UACA: variants seen among roughly 807,000 people sequenced by gnomAD.
The protein encoded by UACA is uveal autoantigen with coiled-coil domains and ankyrin repeats.
In UACA, 112 loss-of-function variants were observed where a neutral mutation model predicts 160.5. The ratio of observed to expected loss-of-function variants is 0.70; its 90% CI spans 0.60 to 0.82. The LOEUF is 0.82. Among genes scored for constraint, UACA ranks in the 40% least tolerant of loss-of-function variants. UACA has a pLI of 0.00. For missense variants in UACA, 1,574 were observed against 1,614.6 expected (o/e 0.97, Z 0.43); for synonymous variants, 557 against 568.4 (o/e 0.98, Z 0.29).
chr15:70,695,074 C>G lies in UACA; in HGVS notation c.244G>C (p.Glu82Gln). The change falls in exon 3 of 19, where the codon GAG becomes CAG. Residue 82 changes from glutamate to glutamine, a missense_variant. Coordinates refer to ENST00000322954, the MANE Select transcript of UACA (RefSeq NM_018003.4). ...TGTATAAGGATGGCATTCAAACACT[C>G]AAGATTCCCCTTTGAGGTCACAACA... is the stretch of plus-strand genomic sequence containing the variant. ...FHVVTSKGNL[E>Q]CLNAILIHGV... The G allele has an allele frequency of 1.2e-6, 2 of 1,608,850 alleles. No homozygotes were observed. Among genetic ancestry groups the G allele is most frequent in the Non-Finnish European group, 1.7e-6 (2 of 1,177,348 alleles).
chr15:70,728,583 A>C (rs951767767), intron 1 of UACA, among the ~76,000 whole-genome samples: 1 of 151,736 alleles, frequency 6.6e-6, no homozygotes, highest in Non-Finnish European at 1.5e-5. Context: ...AAGAAAAAAA[A>C]AAAACATAGA....
In UACA at chr15:70,739,742, A is replaced by G. The variant is rs1420398661; in HGVS notation, c.78+23588T>C. Among the ~76,000 whole-genome samples the G allele has an allele frequency of 3.3e-5, 5 of 152,342 alleles. 1 individual carries two copies. Among genetic ancestry groups the G allele is most frequent in the Admixed American group, 3.3e-4 (5 of 15,306 alleles). ...AGAAGATAATGGTGTCAGATGTTAA[A>G]CTAAATTAATACTACTGGCTCTAGA... is the stretch of plus-strand genomic sequence containing the variant. On this transcript the variant is annotated intron_variant, in intron 1 of 18. Coordinates refer to ENST00000322954, the MANE Select transcript of UACA (RefSeq NM_018003.4).
chr15:70,749,697 TCA>T (rs2029915946), intron 1 of UACA, among the ~76,000 whole-genome samples: 2 of 21,944 alleles, frequency 9.1e-5, no homozygotes, highest in Non-Finnish European at 7.8e-5. Flanking sequence ...AGACTCCGTC[TCA>T]AAAAAAAAAA....
intron 1 of UACA, among the ~76,000 whole-genome samples, chr15:70,755,867 A>G (rs941858701): frequency 6.6e-6 from 1 of 152,124 alleles, no homozygotes; most frequent in African/African-American, 2.4e-5. Flanking sequence ...TCACAGCTCC[A>G]TACCACTGCA....
At chr15:70,702,158 A>C in intron 1 of UACA, 1 of 1,276,782 alleles carries the variant, frequency 7.8e-7, no homozygotes, top group Non-Finnish European at 9.9e-7. Flanking sequence ...GAGCAGCCCC[A>C]AGTCAGGTAC....
At chr15:70,759,990 A>C (rs904398244) in intron 1 of UACA, among the ~76,000 whole-genome samples, 2 of 152,226 alleles carry the variant, frequency 1.3e-5, no homozygotes, top group Admixed American at 1.3e-4. Flanking sequence ...CACATACCTC[A>C]GTCTACTGCT....
Position 70,763,546 on chromosome 15 carries a change from A to G in UACA, c.-139T>C. ...TGCCTGCCACCTGCGGGCCCCGGGCAGCAGACGTCGACAGGCCTGAGGCGG... is the reference window on the plus strand; with the variant it reads ...TGCCTGCCACCTGCGGGCCCCGGGCGGCAGACGTCGACAGGCCTGAGGCGG... On this transcript the variant is annotated 5_prime_UTR_variant, in exon 1 of 19. Transcript: ENST00000322954. 5 of 1,244,930 alleles carry G rather than the reference A, an allele frequency of 4.0e-6. No homozygotes were observed. In the East Asian group the frequency reaches 9.5e-5, roughly 24 times the overall value. The allele number at this position is 1,244,930 out of a possible 1,614,324, so 77.1% of individuals were successfully genotyped here.
At chr15:70,763,911 C>G (rs1055108764), upstream of UACA, among the ~76,000 whole-genome samples, 2 of 152,202 alleles carry the variant, frequency 1.3e-5, no homozygotes, top group African/African-American at 4.8e-5. Flanking sequence ...AAGTAAAGTT[C>G]CTTCCCTTCC....
At chr15:70,712,051 C>CATATATATATATAT (rs57543862) in intron 1 of UACA, among the ~76,000 whole-genome samples, 68 of 131,976 alleles carry the variant, frequency 5.2e-4, no homozygotes, top group South Asian at 2.0e-3. Flanking sequence ...AAGCTCCAGG[C>CATATATATATATAT]ATATATATAT....
intron 1 of UACA, among the ~76,000 whole-genome samples, chr15:70,739,629 A>C (rs954250819): frequency 1.3e-5 from 2 of 152,252 alleles, no homozygotes; most frequent in Admixed American, 6.5e-5. Flanking sequence ...CATATTAAAA[A>C]TTCAAAGTTT....
intron 1 of UACA, among the ~76,000 whole-genome samples, chr15:70,702,847 A>T (rs1407515445): frequency 6.6e-6 from 1 of 152,250 alleles, no homozygotes. Flanking sequence ...CTGCCAAAAC[A>T]TTAAATAGAA....
At chr15:70,744,072 G>T (rs1158953337) in intron 1 of UACA, among the ~76,000 whole-genome samples, 2 of 151,700 alleles carry the variant, frequency 1.3e-5, no homozygotes, top group South Asian at 4.2e-4. Context: ...GTGAAACCCC[G>T]TCTCTACTAA....
At chr15:70,726,048 T>A (rs1411338473) in intron 1 of UACA, among the ~76,000 whole-genome samples, 1 of 152,142 alleles carries the variant, frequency 6.6e-6, no homozygotes, top group Admixed American at 6.5e-5. Flanking sequence ...CATCTGAATC[T>A]TATTCATTCC....
At chr15:70,672,359 G>A (rs1164540252) in intron 13 of UACA, among the ~76,000 whole-genome samples, 14 of 152,234 alleles carry the variant, frequency 9.2e-5, no homozygotes, top group African/African-American at 1.2e-4. Flanking sequence ...CCACATTCAT[G>A]TCAATAACTC....
At chr15:70,688,665 A>G (rs947035966) in intron 5 of UACA, among the ~76,000 whole-genome samples, 1 of 152,174 alleles carries the variant, frequency 6.6e-6, no homozygotes, top group African/African-American at 2.4e-5. Context: ...CTTTACGTCC[A>G]ATTATAAATG....
intron 1 of UACA, among the ~76,000 whole-genome samples, chr15:70,707,572 C>A (rs1471068932): frequency 1.3e-5 from 2 of 151,668 alleles, no homozygotes; most frequent in African/African-American, 4.8e-5. Flanking sequence ...TATGACTCAA[C>A]AACAACAACA....
At chr15:70,706,537 A>G (rs1328759658) in intron 1 of UACA, among the ~76,000 whole-genome samples, 1 of 151,012 alleles carries the variant, frequency 6.6e-6, no homozygotes, top group Admixed American at 6.6e-5. Context: ...AAAAAAAAAA[A>G]CTCTAAAGAT....
Position 70,667,641 on chromosome 15 carries a change from T to G in UACA, c.3043A>C (p.Lys1015Gln). The change falls in exon 16 of 19, where the codon AAG becomes CAG. Residue 1015 changes from lysine (K) to glutamine (Q), a missense_variant. Lys to Gln is a moderately conservative substitution (Grantham distance 53). Transcript: ENST00000322954. ...LKDQLSEQTQ[K>Q]YSVSEEEVKK... Reference sequence around the variant, plus strand: ...ACTTCTTCTTCACTGACACTATACTTTTGTGTCTGCTCTGATAACTGGTCT... The same window carrying G: ...ACTTCTTCTTCACTGACACTATACTGTTGTGTCTGCTCTGATAACTGGTCT... 3.1e-6 allele frequency: 5 copies of G among 1,613,006 alleles called. No individual in the cohort carries two copies. Among genetic ancestry groups the G allele is most frequent in the Non-Finnish European group, 3.4e-6 (4 of 1,179,946 alleles).
chr15:70,712,433 C>T (rs76183341), intron 1 of UACA, among the ~76,000 whole-genome samples: 7,264 of 152,130 alleles, frequency 0.048, 621 homozygotes, highest in African/African-American at 0.17. Flanking sequence ...TAGCCCCTTT[C>T]CTTGTGTTCT....
Sources: gnomAD v4.1 joint callset for allele counts (sites outside exome capture counted in the v4.1 genomes callset) on GRCh38, gnomAD v4.1.1 for gene constraint, MANE v1.5 for transcripts, NCBI Gene and HGNC (gene_info 2026-07-23, HGNC 2026-07-21) for gene names.